TCTN1: variants seen among roughly 807,000 people sequenced by gnomAD.
TCTN1 encodes the protein tectonic-1.
Under a neutral mutation model 65.8 loss-of-function variants are expected in TCTN1, and 58 were observed. That is an observed-to-expected ratio of 0.88 (90% CI 0.71 to 1.10). The LOEUF is 1.10. Among genes scored for constraint, TCTN1 ranks in the 50% least tolerant of loss-of-function variants. The pLI, the probability that TCTN1 is intolerant of heterozygous loss-of-function variation, is 0.00. For missense variants in TCTN1, 645 were observed against 719.4 expected, an observed-to-expected ratio of 0.90 and a Z score of 1.18; for synonymous variants, 273 against 289.1, an observed-to-expected ratio of 0.94 and a Z score of 0.57.
intron 3 of TCTN1, chr12:110,628,049 CA>C (rs1565974970): frequency 6.5e-7 from 1 of 1,535,796 alleles, no homozygotes; most frequent in South Asian, 1.2e-5. Context: ...CTTCTGTACA[CA>C]GCACATTTTA....
At chr12:110,647,036 A>G in intron 12 of TCTN1, 160 bp from the exon 13 acceptor site, 1 of 815,772 alleles carries the variant, frequency 1.2e-6, no homozygotes. Context: ...AGTTACTTTA[A>G]AACACGTATA....
intron 1 of TCTN1, chr12:110,617,021 C>T (rs535142524): frequency 6.6e-6 from 1 of 152,212 alleles, no homozygotes; most frequent in African/African-American, 2.4e-5. Context: ...AACCTTTTTC[C>T]TAAGTGGAGT....
chr12:110,627,479 G>T (rs969024340), intron 3 of TCTN1, among the ~76,000 whole-genome samples: 3 of 152,182 alleles, frequency 2.0e-5, no homozygotes, highest in Non-Finnish European at 2.9e-5. Flanking sequence ...GTAATAGGAA[G>T]TAACTTTATA....
intron 2 of TCTN1, among the ~76,000 whole-genome samples, 167 bp downstream of exon 2, chr12:110,620,123 C>G (rs1247884083): frequency 6.6e-6 from 1 of 152,108 alleles, no homozygotes; most frequent in Non-Finnish European, 1.5e-5. Flanking sequence ...AGTAGCTATC[C>G]CTGGCAGGGC....
chr12:110,636,244 G>T, intron 6 of TCTN1: 1 of 463,068 alleles, frequency 2.2e-6, no homozygotes, highest in Non-Finnish European at 4.0e-6. Flanking sequence ...AGACTAGCTT[G>T]GTGAGCTTCT....
At chr12:110,641,510 T>C (rs1260121083) in intron 9 of TCTN1, 32 bp from the exon 10 acceptor site, 3 of 1,586,496 alleles carry the variant, frequency 1.9e-6, no homozygotes, top group Non-Finnish European at 2.6e-6. Context: ...AAAATGAGAA[T>C]TATTTGGGGG....
At chr12:110,636,363 T>C (rs756342520) in intron 6 of TCTN1, 118 bp from the exon 7 acceptor site, 60 of 704,306 alleles carry the variant, frequency 8.5e-5, no homozygotes, top group Non-Finnish European at 1.3e-4. Context: ...TTCTGTTTTC[T>C]TCTTTGTGAA....
intron 1 of TCTN1, chr12:110,616,254 A>ATTTTT: frequency 2.5e-6 from 1 of 403,824 alleles, no homozygotes; most frequent in Non-Finnish European, 4.9e-6. Context: ...CTCACACTTT[A>ATTTTT]TTTTTTTTTT....
rs1593348657 is a variant in TCTN1 at position 110,640,428 on chromosome 12, A to C, written c.889A>C (p.Thr297Pro). ...QSIVIQSLNKTLTRREDTDVL... is the reference protein window; with the variant it reads ...QSIVIQSLNKPLTRREDTDVL... ...CATCGTCATTCAGTCTCTAAATAAA[A>C]CGCTCACCCGACGGGAGGACACTGA... is the stretch of plus-strand genomic sequence containing the variant. Residue 297 changes from threonine to proline, a missense_variant, in exon 8 of 15, where the codon ACG becomes CCG. Physicochemically the swap from Thr to Pro is conservative, Grantham distance 38. Coordinates refer to ENST00000397659, the MANE Select transcript of TCTN1 (RefSeq NM_001082538.3). This position sits in a 1 kb window ranked among gnomAD's most constrained non-coding sequence, Gnocchi z 4.9. 11 of 1,614,124 alleles carry C rather than the reference A, an allele frequency of 6.8e-6. No homozygotes were observed. The highest frequency in any genetic ancestry group is 9.3e-6 in the Non-Finnish European group (11 of 1,180,032).
chr12:110,641,768 C>G, intron 10 of TCTN1, 141 bp downstream of exon 10: 1 of 854,054 alleles, frequency 1.2e-6, no homozygotes, highest in Non-Finnish European at 1.9e-6. Context: ...GCAGGCGGCT[C>G]TGGTGGGCGG....
At chr12:110,628,318 A>G in intron 3 of TCTN1, 1 of 1,293,788 alleles carries the variant, frequency 7.7e-7, no homozygotes, top group South Asian at 1.4e-5. Flanking sequence ...AAATCCTGGG[A>G]GAAGTGAATA....
chr12:110,645,244 G>A (rs1461147168), intron 12 of TCTN1, 115 bp downstream of exon 12: 42 of 1,384,172 alleles, frequency 3.0e-5, no homozygotes, highest in East Asian at 9.8e-5. Flanking sequence ...GAGTGGGAGC[G>A]CGGGCTGAAT....
At chr12:110,647,394 G>A in intron 13 of TCTN1, 58 bp downstream of exon 13, 1 of 1,600,078 alleles carries the variant, frequency 6.2e-7, no homozygotes. Flanking sequence ...CACAACTCAA[G>A]TGTGGTAGGT....
In TCTN1 at chr12:110,640,445, G is replaced by C. The variant is rs2066880564; in HGVS notation, c.906G>C (p.Glu302Asp). ...QSLNKTLTRR[E>D]DTDVLQPTLV... ...TAAATAAAACGCTCACCCGACGGGA[G>C]GACACTGATGTGCTGCAGCCGACTC... is the stretch of plus-strand genomic sequence containing the variant. Residue 302 changes from glutamate to aspartate, a missense_variant, in exon 8 of 15, where the codon GAG (glutamate) becomes GAC (aspartate). By Grantham distance (45) the Glu-to-Asp change is conservative (BLOSUM62 2). Coordinates refer to ENST00000397659, the MANE Select transcript of TCTN1 (RefSeq NM_001082538.3). This position sits in a 1 kb window ranked among gnomAD's most constrained non-coding sequence, Gnocchi z 4.9. 6.2e-7 allele frequency: 1 copy of C among 1,614,086 alleles called. No individual in the cohort carries two copies. Among genetic ancestry groups the C allele is most frequent in the Non-Finnish European group, 8.5e-7 (1 of 1,180,054 alleles).
chr12:110,641,667 T>C, intron 10 of TCTN1, 40 bp downstream of exon 10: 8 of 1,581,350 alleles, frequency 5.1e-6, no homozygotes, highest in Non-Finnish European at 7.0e-6. Flanking sequence ...TTTATTTCTC[T>C]CTCCATGTGC....
intron 14 of TCTN1, 27 bp downstream of exon 14, chr12:110,647,920 C>T: frequency 1.9e-6 from 3 of 1,611,890 alleles, no homozygotes; most frequent in Middle Eastern, 4.2e-4. Flanking sequence ...CGCCCCTCCT[C>T]TGAGGTCATC....
At chr12:110,617,815 A>C (rs2065147855) in intron 1 of TCTN1, among the ~76,000 whole-genome samples, 1 of 149,392 alleles carries the variant, frequency 6.7e-6, no homozygotes. Context: ...TAATTTTTGT[A>C]TTTTCAGTAG....
chr12:110,629,156 A>T, intron 4 of TCTN1: 1 of 601,770 alleles, frequency 1.7e-6, no homozygotes, highest in East Asian at 2.8e-5. Flanking sequence ...AAGAAAACCC[A>T]GGCAATACCA....
Position 110,647,193 on chromosome 12 carries a change from C to T in TCTN1, c.1495-3C>T, listed in dbSNP as rs765087674. ...GTTTTGTAAGATTCTAATGGATTAA[C>T]AGCATTTTGTTTTGCAGGATTCCTG... On this transcript the variant is annotated splice_region_variant and splice_polypyrimidine_tract_variant and intron_variant, in intron 12 of 14. Transcript: ENST00000397659. The T allele has an allele frequency of 3.7e-6, 6 of 1,614,182 alleles. No homozygotes were observed. The highest frequency in any genetic ancestry group is 2.7e-5 in the African/African-American group (2 of 75,048).
Sources: gnomAD v4.1 joint callset for allele counts (sites outside exome capture counted in the v4.1 genomes callset) on GRCh38, gnomAD v4.1.1 for gene constraint, Gnocchi (gnomAD v3.1) non-coding constraint, MANE v1.5 for transcripts, NCBI Gene and HGNC (gene_info 2026-07-23, HGNC 2026-07-21) for gene names.